Variants in FXR1 observed in about 807,000 individuals in gnomAD.
The protein encoded by FXR1 is RNA-binding protein FXR1.
FXR1 carries 15 observed loss-of-function variants against 84.0 expected under a neutral mutation model. The observed-to-expected ratio is 0.18, with a 90% CI of 0.12 to 0.27. The LOEUF (loss-of-function observed/expected upper bound fraction) is 0.27, where lower values mean the gene tolerates loss of function less well. FXR1 is among the 10% of genes least tolerant of loss of function. FXR1 has a pLI of 1.00. For synonymous variants in FXR1, 245 were observed against 250.7 expected (o/e 0.98, Z 0.21); for missense variants, 480 against 774.4 (o/e 0.62, Z 4.51).
At chr3:180,974,714 G>C (rs886844942) in intron 15 of FXR1, among the ~76,000 whole-genome samples, 10 of 151,958 alleles carry the variant, frequency 6.6e-5, no homozygotes, top group African/African-American at 2.2e-4. Context: ...TTTTTAGGGT[G>C]GTGGTCTGTC....
intron 1 of FXR1, among the ~76,000 whole-genome samples, chr3:180,932,248 C>T (rs1720025329): frequency 6.6e-6 from 1 of 151,944 alleles, no homozygotes; most frequent in South Asian, 2.1e-4. Context: ...AGGTACTATA[C>T]ATGTGTTTAT....
rs865788059 is a variant in FXR1, at chr3:180,948,153, C to T, written c.271-194C>T. 35 of 613,888 alleles carry T rather than the reference C, an allele frequency of 5.7e-5. 1 individual carries two copies. The Middle Eastern group carries it at 1.7e-3, about 30-fold the overall frequency. 38.0% of individuals were successfully genotyped at this position (613,888 alleles called of 1,614,324 possible). A position where few individuals can be genotyped will look rare whatever the true frequency, so the allele number is the denominator to read the frequency against. On this transcript the variant is annotated intron_variant, in intron 4 of 16. Transcript: ENST00000357559. The stretch of plus-strand genomic sequence containing the variant: ...AGGTACACCTCAAGCATGTAAGGAC[C>T]GCCAAGGTTCATGCTTGTAAGAACC...
chr3:180,955,293 C>T (rs1373944930), intron 9 of FXR1, among the ~76,000 whole-genome samples: 1 of 152,054 alleles, frequency 6.6e-6, no homozygotes, highest in Non-Finnish European at 1.5e-5. Context: ...TCCACCGCGC[C>T]CGGATGTAAA....
chr3:180,913,451 GAGAT>G, intron 1 of FXR1, among the ~76,000 whole-genome samples: 1 of 152,292 alleles, frequency 6.6e-6, no homozygotes, highest in Admixed American at 6.5e-5. Flanking sequence ...ATGGATCAGG[GAGAT>G]AGGTGGAGAG....
intron 13 of FXR1, among the ~76,000 whole-genome samples, chr3:180,964,829 G>A (rs2108487205): frequency 6.6e-6 from 1 of 151,352 alleles, no homozygotes; most frequent in South Asian, 2.1e-4. Flanking sequence ...TTTTTTAATG[G>A]CACATAAAAT....
chr3:180,964,500 T>G (rs1192640529), intron 13 of FXR1, among the ~76,000 whole-genome samples: 3 of 152,056 alleles, frequency 2.0e-5, no homozygotes, highest in African/African-American at 7.2e-5. Context: ...AAGAAAGCTG[T>G]GCAAATTGTT....
intron 2 of FXR1, 76 bp downstream of exon 2, chr3:180,933,462 C>T (rs1205092297): frequency 5.1e-6 from 4 of 786,408 alleles, no homozygotes; most frequent in Non-Finnish European, 9.1e-6. Context: ...GGTGTTCCTA[C>T]TGCCAGTGGA....
At position 180,961,461 on chromosome 3, in the gene FXR1, TA is replaced by T; in HGVS notation, c.991-4del. 3.5e-6 allele frequency: 5 copies of T among 1,433,816 alleles called. No homozygotes were observed. The highest frequency in any genetic ancestry group is 1.2e-5 in the South Asian group (1 of 84,124). The allele number at this position is 1,433,816 out of a possible 1,614,324, so 88.8% of individuals were successfully genotyped here. On this transcript the variant is annotated splice_region_variant and splice_polypyrimidine_tract_variant and intron_variant, in intron 10 of 16. Transcript: ENST00000357559. ...AACACTGAATACTTTTTTTTTTTTTTAAACAGGGTATGGTTCCATTTGTATT... is the reference window on the plus strand; with the variant it reads ...AACACTGAATACTTTTTTTTTTTTTTAACAGGGTATGGTTCCATTTGTATT...
At chr3:180,968,019 T>C in intron 13 of FXR1, 32 bp from the exon 14 acceptor site, 1 of 1,376,998 alleles carries the variant, frequency 7.3e-7, no homozygotes, top group Non-Finnish European at 1.0e-6. Context: ...TTTATAGAAA[T>C]CTAAGTGGTT....
intron 3 of FXR1, among the ~76,000 whole-genome samples, chr3:180,944,960 A>T (rs938760910): frequency 6.6e-6 from 1 of 152,234 alleles, no homozygotes; most frequent in Non-Finnish European, 1.5e-5. Flanking sequence ...AAACATAGCA[A>T]ATCTAACTTT....
chr3:180,938,874 T>C (rs944350406), intron 3 of FXR1, among the ~76,000 whole-genome samples: 9 of 152,014 alleles, frequency 5.9e-5, no homozygotes, highest in African/African-American at 2.2e-4. Context: ...TTTGTGTTTT[T>C]TTCTTAGGCA....
rs1445570680 is a variant in FXR1, at chr3:180,981,257, A to C, written c.*4965A>C. On this transcript the variant is annotated 3_prime_UTR_variant, in exon 17 of 17. Transcript: ENST00000357559. ...ACATTTCTGATACTAGGTTTTCTTT[A>C]CGGGGGGGCATACATATTCAGTATA... 1 of 151,948 alleles carries C rather than the reference A, an allele frequency of 6.6e-6. No homozygotes were observed. Among genetic ancestry groups the C allele is most frequent in the Non-Finnish European group, 1.5e-5 (1 of 67,914 alleles). The allele number at this position is 151,948 out of a possible 1,614,324, so 9.4% of individuals were successfully genotyped here. A position where few individuals can be genotyped will look rare whatever the true frequency, so the allele number is the denominator to read the frequency against.
At chr3:180,938,709 C>T (rs113884628) in intron 3 of FXR1, among the ~76,000 whole-genome samples, 41 of 151,930 alleles carry the variant, frequency 2.7e-4, no homozygotes, top group African/African-American at 7.7e-4. Context: ...CCATCATACC[C>T]GGCTGATTTT....
intron 15 of FXR1, among the ~76,000 whole-genome samples, chr3:180,974,053 T>C (rs531349694): frequency 6.6e-6 from 1 of 152,192 alleles, no homozygotes; most frequent in Non-Finnish European, 1.5e-5. Context: ...TATTGTACTT[T>C]TACATATCAG....
intron 3 of FXR1, among the ~76,000 whole-genome samples, chr3:180,937,996 TTA>T (rs2108449671): frequency 6.6e-6 from 1 of 152,292 alleles, no homozygotes; most frequent in Non-Finnish European, 1.5e-5. Context: ...TGGGATTAAG[TTA>T]TATATTTGTG....
intron 3 of FXR1, among the ~76,000 whole-genome samples, chr3:180,937,875 T>C (rs930665366): frequency 1.3e-5 from 2 of 152,242 alleles, no homozygotes; most frequent in Non-Finnish European, 2.9e-5. Context: ...TCCATCTTAA[T>C]GTAGGTGTAC....
chr3:180,943,927 T>A (rs1019088271), intron 3 of FXR1, among the ~76,000 whole-genome samples: 2 of 152,118 alleles, frequency 1.3e-5, no homozygotes, highest in Non-Finnish European at 2.9e-5. Context: ...ATATTCTTTT[T>A]TTTTTTGAGA....
intron 9 of FXR1, among the ~76,000 whole-genome samples, chr3:180,956,264 G>A (rs2108475582): frequency 6.6e-6 from 1 of 152,256 alleles, no homozygotes; most frequent in East Asian, 1.9e-4. Flanking sequence ...ACCTCCAGAA[G>A]CCTTCCTTAA....
chr3:180,938,098 T>C (rs1186901749), intron 3 of FXR1, among the ~76,000 whole-genome samples: 1 of 152,166 alleles, frequency 6.6e-6, no homozygotes, highest in African/African-American at 2.4e-5. Context: ...TCAAAATTAT[T>C]TGGTGTGGAT....
Sources: gnomAD v4.1 joint callset for allele counts (sites outside exome capture counted in the v4.1 genomes callset) on GRCh38, gnomAD v4.1.1 for gene constraint, MANE v1.5 for transcripts, NCBI Gene and HGNC (gene_info 2026-07-23, HGNC 2026-07-21) for gene names.